DACH2: variants seen among roughly 807,000 people sequenced by gnomAD.
DACH2 encodes dachshund homolog 2.
In DACH2, 17 loss-of-function variants were observed where a neutral mutation model predicts 35.8. The observed-to-expected ratio is 0.48, with a 90% CI of 0.33 to 0.71. The LOEUF is 0.71. Ranked by LOEUF, DACH2 falls within the 30% of genes least tolerant of loss-of-function variation. The pLI is 0.02. For missense variants in DACH2, 469 were observed against 472.7 expected (o/e 0.99, Z 0.07); for synonymous variants, 195 against 177.3 (o/e 1.10, Z -0.79).
chrX:86,290,855 G>A (rs1173708797), intron 1 of DACH2, among the ~76,000 whole-genome samples: 2 of 103,929 alleles, frequency 1.9e-5, no homozygotes, highest in African/African-American at 7.2e-5. Flanking sequence ...GTCAGGTAGT[G>A]TGATGCCTCC....
chrX:86,472,003 A>G (rs1187212367), intron 2 of DACH2, among the ~76,000 whole-genome samples: 2 of 112,288 alleles, frequency 1.8e-5, no homozygotes, highest in Admixed American at 1.9e-4. Flanking sequence ...TAAACCTATT[A>G]GATTTTTATT....
intron 9 of DACH2, 47 bp from the exon 10 acceptor site, chrX:86,814,641 C>T (rs369572510): frequency 8.6e-7 from 1 of 1,156,620 alleles, no homozygotes; most frequent in Non-Finnish European, 1.2e-6. Flanking sequence ...AAACTGGCAT[C>T]CCTATTTCAT....
chrX:86,775,228 G>T (rs1008958790), intron 7 of DACH2, among the ~76,000 whole-genome samples: 1 of 111,262 alleles, frequency 9.0e-6, no homozygotes, highest in African/African-American at 3.3e-5. Context: ...AGAATATGTT[G>T]TGTTTAAATA....
At chrX:86,503,171 C>T (rs1403819193) in intron 2 of DACH2, among the ~76,000 whole-genome samples, 1 of 111,995 alleles carries the variant, frequency 8.9e-6, no homozygotes, top group African/African-American at 3.2e-5. Context: ...ATTCTCTTCC[C>T]TTACCCATAT....
At chrX:86,265,497 T>C (rs182992614) in intron 1 of DACH2, among the ~76,000 whole-genome samples, 2 of 112,023 alleles carry the variant, frequency 1.8e-5, no homozygotes, top group Admixed American at 1.9e-4. Context: ...TCTCCTCGAA[T>C]CATAGTCCCA....
intron 1 of DACH2, among the ~76,000 whole-genome samples, chrX:86,216,965 C>G (rs1474847281): frequency 9.1e-6 from 1 of 110,023 alleles, no homozygotes; most frequent in Non-Finnish European, 1.9e-5. Flanking sequence ...GTGACACTCA[C>G]CTGTAACCCC....
intron 3 of DACH2, among the ~76,000 whole-genome samples, chrX:86,634,027 A>G (rs1451789752): frequency 8.9e-6 from 1 of 111,784 alleles, no homozygotes; most frequent in East Asian, 2.8e-4. Flanking sequence ...AAGCATTACT[A>G]GGAGGCCATA....
intron 6 of DACH2, among the ~76,000 whole-genome samples, chrX:86,726,387 G>A (rs2041470117): frequency 9.0e-6 from 1 of 111,224 alleles, no homozygotes; most frequent in Non-Finnish European, 1.9e-5. Context: ...CAGAGAGAGT[G>A]GTGCACCTCT....
intron 1 of DACH2, among the ~76,000 whole-genome samples, chrX:86,262,071 A>G (rs891985426): frequency 9.1e-6 from 1 of 109,306 alleles, no homozygotes; most frequent in Non-Finnish European, 1.9e-5. Context: ...GCTTGAGGCC[A>G]GGAGTTCAAA....
intron 5 of DACH2, among the ~76,000 whole-genome samples, chrX:86,701,513 C>T (rs1338076496): frequency 1.8e-5 from 2 of 111,205 alleles, no homozygotes; most frequent in Non-Finnish European, 3.8e-5. Context: ...CTGGCCAGAG[C>T]AATCAGGCAG....
chrX:86,610,354 C>T (rs1329180725), intron 3 of DACH2, among the ~76,000 whole-genome samples: 12 of 98,418 alleles, frequency 1.2e-4, no homozygotes, highest in African/African-American at 3.9e-4. Flanking sequence ...CTCCTTCCTT[C>T]CTTCCTTCCT....
intron 1 of DACH2, among the ~76,000 whole-genome samples, chrX:86,227,763 TA>T (rs11356998): frequency 0.021 from 2,368 of 110,436 alleles, 65 homozygotes; most frequent in African/African-American, 0.073. Context: ...TAAATTATTT[TA>T]ATAAACAATT....
chrX:86,160,457 T>G, intron 1 of DACH2: 1 of 535,143 alleles, frequency 1.9e-6, no homozygotes. Flanking sequence ...AGAGCCATCT[T>G]CCAGCTTCTT....
chrX:86,240,330 T>C (rs1324944815), intron 1 of DACH2, among the ~76,000 whole-genome samples: 1 of 110,894 alleles, frequency 9.0e-6, no homozygotes, highest in East Asian at 2.8e-4. Context: ...AAGAAACGTT[T>C]TGGAATGTTA....
intron 1 of DACH2, among the ~76,000 whole-genome samples, chrX:86,179,440 G>C (rs1443122057): frequency 8.9e-6 from 1 of 111,814 alleles, no homozygotes; most frequent in Non-Finnish European, 1.9e-5. Context: ...TCAGGAGAGA[G>C]AAGAATGCAG....
intron 3 of DACH2, among the ~76,000 whole-genome samples, chrX:86,564,483 A>G (rs763493136): frequency 1.1e-4 from 12 of 111,606 alleles, no homozygotes; most frequent in African/African-American, 3.6e-4. Flanking sequence ...AAAGATTGCT[A>G]CAGTGGGGAG....
intron 6 of DACH2, among the ~76,000 whole-genome samples, chrX:86,726,162 G>A (rs745565639): frequency 2.4e-4 from 27 of 111,585 alleles, no homozygotes; most frequent in African/African-American, 7.5e-4. Context: ...AGCACCATGC[G>A]CAGGTAGCTC....
intron 11 of DACH2, among the ~76,000 whole-genome samples, chrX:86,820,545 T>C (rs1238124466): frequency 9.1e-6 from 1 of 109,649 alleles, no homozygotes; most frequent in African/African-American, 3.3e-5. Flanking sequence ...GATATAAAAG[T>C]CATGATCTCA....
chrX:86,606,868 G>C (rs2039865936), intron 3 of DACH2, among the ~76,000 whole-genome samples: 1 of 111,530 alleles, frequency 9.0e-6, no homozygotes, highest in African/African-American at 3.3e-5. Context: ...TTTCACACCT[G>C]GGTGTTCTGT....
Sources: allele counts gnomAD v4.1 joint callset (sites outside exome capture counted in the v4.1 genomes callset), GRCh38; gene constraint gnomAD v4.1.1; transcripts MANE v1.5; gene names NCBI Gene and HGNC (gene_info 2026-07-23, HGNC 2026-07-21).